Variants in ZNF398 observed in about 807,000 individuals in gnomAD.
The protein encoded by ZNF398 is zinc finger DNA binding protein ZER6.
Under a neutral mutation model 41.9 loss-of-function variants are expected in ZNF398, and 18 were observed. The ratio of observed to expected loss-of-function variants is 0.43; its 90% CI spans 0.30 to 0.64. The LOEUF is 0.64. Among genes scored for constraint, ZNF398 ranks in the 30% least tolerant of loss-of-function variants. The probability of loss-of-function intolerance (pLI) is 0.14; values close to 1 mark genes in which losing one functional copy is unlikely to be tolerated. For missense variants in ZNF398, 669 were observed against 822.8 expected (o/e 0.81, Z 2.29); for synonymous variants, 260 against 308.8 (o/e 0.84, Z 1.66).
chr7:149,143,182 CAT>C (rs1826863799), upstream of ZNF398, among the ~76,000 whole-genome samples: 1 of 152,052 alleles, frequency 6.6e-6, no homozygotes, highest in South Asian at 2.1e-4. Flanking sequence ...CAAGCAGGAA[CAT>C]TGTAGATTTT....
intron 4 of ZNF398, among the ~76,000 whole-genome samples, chr7:149,172,475 T>C (rs1795367440): frequency 6.6e-6 from 1 of 152,014 alleles, no homozygotes; most frequent in African/African-American, 2.4e-5. Flanking sequence ...AATAAATAAT[T>C]GCCCCAAACT....
intron 3 of ZNF398, 98 bp from the exon 4 acceptor site, chr7:149,166,719 C>T: frequency 4.0e-6 from 3 of 745,454 alleles, no homozygotes; most frequent in Middle Eastern, 2.4e-4. Context: ...AATTCCCTGG[C>T]ACTGTGACCA....
At chr7:149,169,469 A>G (rs984583118) in intron 4 of ZNF398, among the ~76,000 whole-genome samples, 5 of 152,044 alleles carry the variant, frequency 3.3e-5, no homozygotes, top group Admixed American at 1.3e-4. Context: ...GTCTGGCTCT[A>G]TTGCCCAGGC....
chr7:149,152,263 CTTT>C (rs71192760), intron 1 of ZNF398, among the ~76,000 whole-genome samples: 1 of 136,444 alleles, frequency 7.3e-6, no homozygotes, highest in Non-Finnish European at 1.5e-5. Flanking sequence ...TTAAAGATTT[CTTT>C]TTTTTTTTTT....
chr7:149,131,979 C>T (rs1052872368), intron 2 of ZNF398, among the ~76,000 whole-genome samples: 5 of 152,034 alleles, frequency 3.3e-5, no homozygotes, highest in East Asian at 3.9e-4. Context: ...CTCTACTAGA[C>T]GTTTTGTTTA....
At position 149,147,655 on chromosome 7, in the gene ZNF398, C is replaced by T; in HGVS notation, c.-88C>T. The T allele has an allele frequency of 4.1e-6, 5 of 1,220,828 alleles. No homozygotes were observed. Among genetic ancestry groups the T allele is most frequent in the Non-Finnish European group, 5.1e-6 (5 of 978,904 alleles). 75.6% of individuals were successfully genotyped at this position (1,220,828 alleles called of 1,614,324 possible). ...GTCGGCGCCGCCTGTGGAGAGGACCCGGCGGCCGGGCCTGCTTGGAGCCGG... is the reference window on the plus strand; with the variant it reads ...GTCGGCGCCGCCTGTGGAGAGGACCTGGCGGCCGGGCCTGCTTGGAGCCGG... On this transcript the variant is annotated 5_prime_UTR_variant, in exon 1 of 6. Coordinates refer to ENST00000475153, the MANE Select transcript of ZNF398 (RefSeq NM_170686.3). This position sits in a 1 kb window ranked among gnomAD's most constrained non-coding sequence, Gnocchi z 5.6.
At chr7:149,148,197 T>G in intron 1 of ZNF398, 1 of 167,500 alleles carries the variant, frequency 6.0e-6, no homozygotes, top group Non-Finnish European at 1.3e-5. Context: ...CGGAGGCGCA[T>G]TCCCGCCGCG....
At chr7:149,148,399 C>T in intron 1 of ZNF398, 4 of 984,396 alleles carry the variant, frequency 4.1e-6, no homozygotes, top group Non-Finnish European at 4.8e-6. Flanking sequence ...GGCGACCGGG[C>T]CGCGCCTGCA....
chr7:149,148,031 G>A (rs1827002274), intron 1 of ZNF398: 1 of 372,794 alleles, frequency 2.7e-6, no homozygotes, highest in South Asian at 1.3e-4. Flanking sequence ...CCTGCAGTTG[G>A]GTTGAAGTCG....
chr7:149,128,781 T>TAAAATAAAATAAAATAAAATA (rs1826537779), intron 1 of ZNF398: 11 of 11,934 alleles, frequency 9.2e-4, no homozygotes, highest in East Asian at 0.013. Context: ...AAAATAAAAT[T>TAAAATAAAATAAAATAAAATA]ATATATATAT....
intron 4 of ZNF398, among the ~76,000 whole-genome samples, chr7:149,168,850 C>T (rs769124576): frequency 7.2e-5 from 11 of 152,034 alleles, no homozygotes; most frequent in South Asian, 2.1e-4. Context: ...CCACCACGCC[C>T]GGCCATATTA....
chr7:149,154,988 TA>T (rs35980793), intron 2 of ZNF398, among the ~76,000 whole-genome samples: 78,713 of 131,964 alleles, frequency 0.6, 23,557 homozygotes, highest in East Asian at 0.9. Flanking sequence ...AAACTCCTTC[TA>T]AAAAAAAAAA....
intron 2 of ZNF398, among the ~76,000 whole-genome samples, chr7:149,139,018 C>CCCAGGT (rs1826769184): frequency 6.6e-6 from 1 of 151,532 alleles, no homozygotes; most frequent in East Asian, 1.9e-4. Flanking sequence ...TCCAGCAATT[C>CCCAGGT]TCCTGCCTCA....
chr7:149,171,022 T>C (rs1478342171), intron 4 of ZNF398, among the ~76,000 whole-genome samples: 1 of 150,836 alleles, frequency 6.6e-6, no homozygotes, highest in Non-Finnish European at 1.5e-5. Flanking sequence ...TTTTTTTTTT[T>C]TTTTTTTAGA....
intron 1 of ZNF398, among the ~76,000 whole-genome samples, chr7:149,126,922 C>T (rs1018054919): frequency 1.3e-5 from 2 of 152,244 alleles, no homozygotes; most frequent in African/African-American, 2.4e-5. Context: ...CGTCCACACT[C>T]CCTCCTTGGC....
chr7:149,148,826 A>G (rs1041183037), intron 1 of ZNF398, among the ~76,000 whole-genome samples: 2 of 149,842 alleles, frequency 1.3e-5, no homozygotes, highest in African/African-American at 2.5e-5. Context: ...ACTTTCCTAG[A>G]ACATCATGAG....
intron 2 of ZNF398, among the ~76,000 whole-genome samples, chr7:149,137,293 G>A (rs1826735530): frequency 6.6e-6 from 1 of 152,156 alleles, no homozygotes; most frequent in Admixed American, 6.6e-5. Context: ...CATGATTACT[G>A]TAGCTTTGGA....
At chr7:149,175,076 C>T (rs1034030196) in intron 4 of ZNF398, among the ~76,000 whole-genome samples, 1 of 152,166 alleles carries the variant, frequency 6.6e-6, no homozygotes, top group South Asian at 2.1e-4. Flanking sequence ...AAATCTATTT[C>T]CCAAATCGCT....
Position 149,179,470 on chromosome 7 carries a change from A to C in ZNF398, c.1598A>C (p.His533Pro), listed in dbSNP as rs1488000517. 6.2e-7 allele frequency: 1 copy of C among 1,614,090 alleles called. No homozygotes were observed. Among genetic ancestry groups the C allele is most frequent in the Non-Finnish European group, 8.5e-7 (1 of 1,180,060 alleles). The part of the protein sequence containing the change: ...KEHLLNHRRL[H>P]TGERPFSCPH... ...CACCTGCTGAACCACCGGCGGCTGCACACAGGCGAGCGGCCCTTCAGTTGT... is the reference window on the plus strand; with the variant it reads ...CACCTGCTGAACCACCGGCGGCTGCCCACAGGCGAGCGGCCCTTCAGTTGT... Residue 533 changes from histidine to proline, a missense_variant, in exon 6 of 6, where the codon CAC becomes CCC. This residue lies in a region of ZNF398 where 210 missense variants were observed against 290.4 expected (regional missense o/e 0.72). Transcript: ENST00000475153. This position sits in a 1 kb window ranked among gnomAD's most constrained non-coding sequence, Gnocchi z 6.1.
Sources: allele counts gnomAD v4.1 joint callset (sites outside exome capture counted in the v4.1 genomes callset), GRCh38; gene constraint gnomAD v4.1.1; regional missense constraint gnomAD v4.1.1; non-coding constraint Gnocchi (gnomAD v3.1); transcripts MANE v1.5; gene names NCBI Gene and HGNC (gene_info 2026-07-23, HGNC 2026-07-21).